KCNMA1: variants seen among roughly 807,000 people sequenced by gnomAD.
KCNMA1 encodes Calcium-activated potassium channel subunit alpha-1.
Under a neutral mutation model 140.0 loss-of-function variants are expected in KCNMA1, and 29 were observed. The observed-to-expected ratio is 0.21, with a 90% CI of 0.15 to 0.28. The LOEUF (loss-of-function observed/expected upper bound fraction) is 0.28, where lower values mean the gene tolerates loss of function less well. Among genes scored for constraint, KCNMA1 ranks in the 10% least tolerant of loss-of-function variants. The pLI is 1.00. For synonymous variants in KCNMA1, 612 were observed against 611.9 expected (o/e 1.00, Z 0.00); for missense variants, 880 against 1,602.2 (o/e 0.55, Z 7.70).
chr10:76,976,425 T>C (rs958381865), intron 19 of KCNMA1, among the ~76,000 whole-genome samples: 1 of 152,088 alleles, frequency 6.6e-6, no homozygotes, highest in Admixed American at 6.5e-5. Flanking sequence ...AGCTCCTCCA[T>C]AGGAGAGAGA....
chr10:76,942,404 G>A (rs2062756400), intron 23 of KCNMA1, among the ~76,000 whole-genome samples: 1 of 152,212 alleles, frequency 6.6e-6, no homozygotes, highest in South Asian at 2.1e-4. Context: ...TAGGTGGAGG[G>A]TACAAAAACA....
chr10:77,062,043 A>G (rs1394086127), intron 14 of KCNMA1, among the ~76,000 whole-genome samples: 1 of 152,220 alleles, frequency 6.6e-6, no homozygotes, highest in Non-Finnish European at 1.5e-5. Context: ...ATTTGGGGGT[A>G]TGGAAACTAT....
At chr10:77,216,861 C>T (rs1190837440) in intron 3 of KCNMA1, among the ~76,000 whole-genome samples, 1 of 152,174 alleles carries the variant, frequency 6.6e-6, no homozygotes, top group Non-Finnish European at 1.5e-5. Flanking sequence ...TTATATTCCT[C>T]ATTTTATAGA....
At chr10:77,452,313 T>G (rs2097677937) in intron 1 of KCNMA1, among the ~76,000 whole-genome samples, 2 of 152,158 alleles carry the variant, frequency 1.3e-5, no homozygotes, top group South Asian at 4.1e-4. Context: ...AGGCGGAGAT[T>G]CAGGTGGGGG....
rs2037190099 is a variant in KCNMA1 at position 76,886,802 on chromosome 10, T to C, written c.*464A>G. On this transcript the variant is annotated 3_prime_UTR_variant, in exon 28 of 28. Transcript: ENST00000286628. The stretch of plus-strand genomic sequence containing the variant: ...TGGTTGCTTGTTTCAAATAAACATG[T>C]GCTAACTTATTGTGTGTATAAAAAA... 3 of 1,046,596 alleles carry C rather than the reference T, an allele frequency of 2.9e-6. No individual in the cohort carries two copies. The highest frequency in any genetic ancestry group is 1.0e-4 in the Admixed American group (2 of 19,972). The allele number at this position is 1,046,596 out of a possible 1,614,324, so 64.8% of individuals were successfully genotyped here. A position where few individuals can be genotyped will look rare whatever the true frequency, so the allele number is the denominator to read the frequency against.
chr10:77,637,487 GGAA>G lies in KCNMA1; in HGVS notation c.153_155del (p.Ser60del), dbSNP rs751901610. ...CCGAGGACGAGGAGGAAGAGGAGGA[GGAA>G]GAAGAAGAAGAGGAAGAGGAGGAGG... is the stretch of plus-strand genomic sequence containing the variant. On this transcript the variant is annotated inframe_deletion, in exon 1 of 28. Coordinates refer to ENST00000286628, the MANE Select transcript of KCNMA1 (RefSeq NM_001161352.2). 6.1e-4 allele frequency: 982 copies of G among 1,600,558 alleles called. 8 individuals carry two copies. In the East Asian group the frequency reaches 0.013, roughly 20 times the overall value.
intron 3 of KCNMA1, among the ~76,000 whole-genome samples, chr10:77,218,048 A>G (rs879349023): frequency 5.9e-5 from 9 of 152,296 alleles, no homozygotes; most frequent in Non-Finnish European, 1.3e-4. Flanking sequence ...ATGGAATTCT[A>G]GGACCACTAT....
At chr10:77,631,652 G>C (rs1180911339) in intron 1 of KCNMA1, among the ~76,000 whole-genome samples, 1 of 152,182 alleles carries the variant, frequency 6.6e-6, no homozygotes, top group East Asian at 1.9e-4. Context: ...GAGAGAAAGA[G>C]AGAGACAGCC....
intron 1 of KCNMA1, among the ~76,000 whole-genome samples, chr10:77,411,550 A>G (rs557625652): frequency 6.6e-6 from 1 of 152,304 alleles, no homozygotes; most frequent in South Asian, 2.1e-4. Flanking sequence ...TCTGATGCCA[A>G]AAAGGGACAC....
At chr10:76,996,641 C>T (rs1453933860) in intron 19 of KCNMA1, among the ~76,000 whole-genome samples, 5 of 152,122 alleles carry the variant, frequency 3.3e-5, no homozygotes, top group African/African-American at 9.7e-5. Flanking sequence ...CACATCAGCA[C>T]GGCAAGCATG....
At chr10:77,039,940 G>A (rs1161017058) in intron 14 of KCNMA1, among the ~76,000 whole-genome samples, 2 of 135,222 alleles carry the variant, frequency 1.5e-5, no homozygotes, top group Non-Finnish European at 3.1e-5. Flanking sequence ...GGGCTGGAGT[G>A]CAGTGGGTCA....
intron 1 of KCNMA1, among the ~76,000 whole-genome samples, chr10:77,465,912 A>G (rs1263766591): frequency 6.6e-6 from 1 of 152,158 alleles, no homozygotes; most frequent in African/African-American, 2.4e-5. Context: ...GCCTCAGCCT[A>G]TGGAGACACC....
chr10:77,599,358 G>T (rs981558961), intron 1 of KCNMA1, among the ~76,000 whole-genome samples: 2 of 152,004 alleles, frequency 1.3e-5, no homozygotes, highest in African/African-American at 4.8e-5. Context: ...TTATACATTC[G>T]GAGTCTACGA....
chr10:76,884,434 T>A (rs992767160), downstream of KCNMA1: 1 of 150,544 alleles, frequency 6.6e-6, no homozygotes, highest in African/African-American at 2.5e-5. Context: ...GTTTATCAAC[T>A]GGCATCATCA....
At position 77,373,254 on chromosome 10, in the gene KCNMA1, T is replaced by A. The variant is rs1285739464; in HGVS notation, c.540+30608A>T. 3.9e-5 allele frequency among the ~76,000 whole-genome samples: 6 copies of A among 152,096 alleles called. No individual in the cohort carries two copies. The East Asian group carries it at 1.2e-3, about 29-fold the overall frequency. The stretch of plus-strand genomic sequence containing the variant: ...TGTCCACATTCTAGATTTGTATGAG[T>A]CACAATTTTAACTTTTTGAAAATTA... On this transcript the variant is annotated intron_variant, in intron 2 of 27. Transcript: ENST00000286628.
intron 3 of KCNMA1, among the ~76,000 whole-genome samples, chr10:77,218,934 G>A (rs955855468): frequency 5.9e-5 from 9 of 152,106 alleles, no homozygotes; most frequent in Admixed American, 3.9e-4. Context: ...TGATCTGCCC[G>A]CCTCGGCCTC....
intron 2 of KCNMA1, among the ~76,000 whole-genome samples, chr10:77,269,585 T>C (rs926254346): frequency 4.6e-5 from 7 of 152,194 alleles, no homozygotes; most frequent in Non-Finnish European, 1.0e-4. Flanking sequence ...AGTATTTTTC[T>C]GATGTATTAG....
In KCNMA1 at chr10:77,413,742, ACT is replaced by A. The variant is rs574690272; in HGVS notation, c.379-9721_379-9720del. 5.3e-5 allele frequency among the ~76,000 whole-genome samples: 8 copies of A among 152,068 alleles called. No homozygotes were observed. In the South Asian group the frequency reaches 1.7e-3, roughly 32 times the overall value. On this transcript the variant is annotated intron_variant, in intron 1 of 27. Coordinates refer to ENST00000286628, the MANE Select transcript of KCNMA1 (RefSeq NM_001161352.2). The stretch of plus-strand genomic sequence containing the variant: ...ACTTCTCCTGCTCTGCACCCCGGAG[ACT>A]CTGCACCAGCAGGGCTTAAGACATT...
intron 14 of KCNMA1, among the ~76,000 whole-genome samples, chr10:77,047,149 G>C (rs1234115453): frequency 6.6e-6 from 1 of 152,142 alleles, no homozygotes; most frequent in Non-Finnish European, 1.5e-5. Context: ...TTTTCCAAAG[G>C]CTTCAGGACA....
Sources: gnomAD v4.1 joint callset for allele counts (sites outside exome capture counted in the v4.1 genomes callset) on GRCh38, gnomAD v4.1.1 for gene constraint, MANE v1.5 for transcripts, NCBI Gene and HGNC (gene_info 2026-07-23, HGNC 2026-07-21) for gene names.